NRROS: variants seen among roughly 807,000 people sequenced by gnomAD.
The protein encoded by NRROS is transforming growth factor beta activator LRRC33.
In NRROS, 6 loss-of-function variants were observed where a neutral mutation model predicts 12.0. The ratio of observed to expected loss-of-function variants is 0.50; its 90% CI spans 0.27 to 0.98. The LOEUF is 0.98. Among genes scored for constraint, NRROS ranks in the 50% least tolerant of loss-of-function variants. NRROS has a pLI of 0.11. For missense variants in NRROS, 857 were observed against 888.2 expected (o/e 0.96, Z 0.45); for synonymous variants, 462 against 410.2 (o/e 1.13, Z -1.53).
At chr3:196,641,965 G>A (rs565349329) in intron 1 of NRROS, among the ~76,000 whole-genome samples, 2 of 152,330 alleles carry the variant, frequency 1.3e-5, no homozygotes, top group East Asian at 1.9e-4. Context: ...TTGTTGATGT[G>A]TCATCGCACA....
chr3:196,660,336 C>T lies in NRROS; in HGVS notation c.693C>T (p.Leu231=), dbSNP rs752361620. 3 of 1,613,962 alleles carry T rather than the reference C, an allele frequency of 1.9e-6. No individual in the cohort carries two copies. The highest frequency in any genetic ancestry group is 4.5e-5 in the East Asian group (2 of 44,896). Residue 231 remains leucine, a synonymous_variant, in exon 3 of 3, where the codon CTC becomes CTT. Transcript: ENST00000328557. This position sits in a 1 kb window ranked among gnomAD's most constrained non-coding sequence, Gnocchi z 7.7. ...VDFGLTRLRV[L]NVSYNVLEWF... is the part of the protein sequence containing the mutation. ...TCGGGCTCACGCGGCTGCGGGTCCT[C>T]AACGTCAGCTACAACGTCCTGGAGT... is the stretch of plus-strand genomic sequence containing the variant.
chr3:196,653,252 G>T (rs1438021810), intron 1 of NRROS, among the ~76,000 whole-genome samples: 1 of 152,234 alleles, frequency 6.6e-6, no homozygotes, highest in Non-Finnish European at 1.5e-5. Flanking sequence ...TCTCTCTGTA[G>T]TAAGGGGAGT....
chr3:196,661,766 G>C lies in NRROS; in HGVS notation c.*44G>C, dbSNP rs776026174. The C allele has an allele frequency of 1.0e-5, 15 of 1,489,200 alleles. No individual in the cohort carries two copies. In the South Asian group the frequency reaches 1.9e-4, roughly 19 times the overall value. The allele number at this position is 1,489,200 out of a possible 1,614,324, so 92.2% of individuals were successfully genotyped here. On this transcript the variant is annotated 3_prime_UTR_variant, in exon 3 of 3. Transcript: ENST00000328557. ...CTCGAAATTCGGTCCGCACACAACA[G>C]GACACTTTCTCTGCCAGCTTTCAAG...
At chr3:196,648,737 G>A (rs1737356038) in intron 1 of NRROS, among the ~76,000 whole-genome samples, 1 of 134,496 alleles carries the variant, frequency 7.4e-6, no homozygotes, top group Non-Finnish European at 1.5e-5. Context: ...TTGCACTCCA[G>A]CCTGGGCAAC....
At position 196,648,649 on chromosome 3, in the gene NRROS, C is replaced by T. The variant is rs560960543; in HGVS notation, c.-13-5878C>T. ...GGCATGCTGGTGCATGCCTGTAATC[C>T]CAGCTACTCAGGAGGCTGAGGCAGG... On this transcript the variant is annotated intron_variant, in intron 1 of 2. Coordinates refer to ENST00000328557, the MANE Select transcript of NRROS (RefSeq NM_198565.3). Among the ~76,000 whole-genome samples the T allele has an allele frequency of 3.9e-4, 59 of 151,282 alleles. No individual in the cohort carries two copies. The South Asian group carries it at 0.011, about 28-fold the overall frequency.
chr3:196,660,275 A>C lies in NRROS; in HGVS notation c.632A>C (p.Asn211Thr). 6.2e-7 allele frequency: 1 copy of C among 1,613,924 alleles called. No homozygotes were observed. Among genetic ancestry groups the C allele is most frequent in the South Asian group, 1.1e-5 (1 of 91,084 alleles). Residue 211 changes from asparagine to threonine, a missense_variant, in exon 3 of 3, where the codon AAC (asparagine) becomes ACC (threonine). Coordinates refer to ENST00000328557, the MANE Select transcript of NRROS (RefSeq NM_198565.3). The surrounding 1 kb of genome is among the most constrained non-coding windows in gnomAD (Gnocchi z 7.7). ...GGCCTGGCTGAGCTGAGGCACCTCAACCTGGCCTTCAACAACCTCCCCTGC... is the reference window on the plus strand; with the variant it reads ...GGCCTGGCTGAGCTGAGGCACCTCACCCTGGCCTTCAACAACCTCCCCTGC... Reference protein sequence around the residue: ...FDGLAELRHLNLAFNNLPCIV... With the variant: ...FDGLAELRHLTLAFNNLPCIV...
At position 196,661,948 on chromosome 3, in the gene NRROS, A is replaced by C. The variant is rs2108644946; in HGVS notation, c.*226A>C. The C allele has an allele frequency of 2.6e-6, 1 of 379,616 alleles. No homozygotes were observed. Among genetic ancestry groups the C allele is most frequent in the Non-Finnish European group, 4.5e-6 (1 of 224,454 alleles). The allele number at this position is 379,616 out of a possible 1,614,324, so 23.5% of individuals were successfully genotyped here. A position where few individuals can be genotyped will look rare whatever the true frequency, so the allele number is the denominator to read the frequency against. ...TCATTATCTTGGTAAAATATTTATT[A>C]AGTGACTTTTTCAGAAATAAAAGGC... On this transcript the variant is annotated 3_prime_UTR_variant, in exon 3 of 3. Transcript: ENST00000328557.
chr3:196,642,762 C>G (rs1216690164), intron 1 of NRROS, among the ~76,000 whole-genome samples: 1 of 152,068 alleles, frequency 6.6e-6, no homozygotes, highest in Non-Finnish European at 1.5e-5. Flanking sequence ...GAATTGTACA[C>G]CTAAAAATGG....
rs1403678752 is a variant in NRROS at position 196,660,179 on chromosome 3, G to T, written c.536G>T (p.Gly179Val). ...IMRLDDSVFE[G>V]LERLRELDLQ... ...CGGCTGGACGACTCCGTCTTCGAGG[G>T]CCTGGAGCGTCTCCGGGAGCTGGAT... The change falls in exon 3 of 3, where the codon GGC becomes GTC. Residue 179 changes from glycine (G) to valine (V), a missense_variant. Coordinates refer to ENST00000328557, the MANE Select transcript of NRROS (RefSeq NM_198565.3). This position sits in a 1 kb window ranked among gnomAD's most constrained non-coding sequence, Gnocchi z 7.7. 6.2e-7 allele frequency: 1 copy of T among 1,612,974 alleles called. No individual in the cohort carries two copies. Among genetic ancestry groups the T allele is most frequent in the African/African-American group, 1.3e-5 (1 of 75,058 alleles).
rs770331211 is a variant in NRROS, at chr3:196,660,988, C to G, written c.1345C>G (p.Arg449Gly). ...TTGTCCCCTGCCAGCTGCCTCGGAC[C>G]GGGTGGGCCCCCCTAGCTGTGTGGA... The part of the protein sequence containing the change: ...SLCPLPAASD[R>G]VGPPSCVDFR... Residue 449 changes from arginine (R) to glycine (G), a missense_variant, in exon 3 of 3, where the codon CGG (arginine) becomes GGG (glycine). Physicochemically the swap from Arg to Gly is moderately radical, Grantham distance 125. Coordinates refer to ENST00000328557, the MANE Select transcript of NRROS (RefSeq NM_198565.3). The surrounding 1 kb of genome is among the most constrained non-coding windows in gnomAD (Gnocchi z 7.7). 3 of 1,614,050 alleles carry G rather than the reference C, an allele frequency of 1.9e-6. No individual in the cohort carries two copies. The highest frequency in any genetic ancestry group is 2.2e-5 in the East Asian group (1 of 44,882).
intron 1 of NRROS, among the ~76,000 whole-genome samples, chr3:196,640,694 T>A (rs1441109423): frequency 6.6e-6 from 1 of 152,006 alleles, no homozygotes; most frequent in Non-Finnish European, 1.5e-5. Flanking sequence ...CGGAAAGAAG[T>A]AAGGAGCCAC....
Position 196,661,687 on chromosome 3 carries a change from A to T in NRROS, c.2044A>T (p.Ile682Phe). 5 of 1,598,154 alleles carry T rather than the reference A, an allele frequency of 3.1e-6. No individual in the cohort carries two copies. The highest frequency in any genetic ancestry group is 3.4e-6 in the Non-Finnish European group (4 of 1,177,022). Residue 682 changes from isoleucine (I) to phenylalanine (F), a missense_variant, in exon 3 of 3, where the codon ATC (isoleucine) becomes TTC (phenylalanine). Physicochemically the swap from Ile to Phe is conservative, Grantham distance 21 (BLOSUM62 0). Coordinates refer to ENST00000328557, the MANE Select transcript of NRROS (RefSeq NM_198565.3). ...LTFKKPLLQV[I>F]KSRCHWSSVY ...TTTTAAGAAGCCTCTGCTTCAGGTC[A>T]TCAAGAGCCGCTGCCACTGGTCCTC... is the stretch of plus-strand genomic sequence containing the variant.
intron 2 of NRROS, among the ~76,000 whole-genome samples, chr3:196,657,409 G>C (rs73084961): frequency 0.01 from 1,549 of 151,574 alleles, 31 homozygotes; most frequent in African/African-American, 0.036. Context: ...AGGGAGGAGC[G>C]CAACACCCAC....
In NRROS at chr3:196,661,006, T is replaced by C; in HGVS notation, c.1363T>C (p.Cys455Arg). Residue 455 changes from cysteine (C) to arginine (R), a missense_variant, in exon 3 of 3, where the codon TGT becomes CGT. Transcript: ENST00000328557. The stretch of plus-strand genomic sequence containing the variant: ...CTCGGACCGGGTGGGCCCCCCTAGC[T>C]GTGTGGATTTCAGGAATATGGCATC... ...AASDRVGPPS[C>R]VDFRNMASLR... The C allele has an allele frequency of 6.2e-7, 1 of 1,614,158 alleles. No individual in the cohort carries two copies. Among genetic ancestry groups the C allele is most frequent in the Non-Finnish European group, 8.5e-7 (1 of 1,180,014 alleles).
At chr3:196,647,536 C>T (rs1737335217) in intron 1 of NRROS, among the ~76,000 whole-genome samples, 1 of 152,148 alleles carries the variant, frequency 6.6e-6, no homozygotes, top group South Asian at 2.1e-4. Context: ...TGTTAATTTA[C>T]CAAAGATCAC....
At chr3:196,648,674 G>A (rs549629059) in intron 1 of NRROS, among the ~76,000 whole-genome samples, 1 of 144,600 alleles carries the variant, frequency 6.9e-6, no homozygotes, top group Non-Finnish European at 1.5e-5. Context: ...GCTGAGGCAG[G>A]AGAATCACTT....
intron 1 of NRROS, among the ~76,000 whole-genome samples, chr3:196,643,717 T>A (rs184085064): frequency 6.6e-6 from 1 of 152,342 alleles, no homozygotes; most frequent in Non-Finnish European, 1.5e-5. Context: ...CCATTTCAGA[T>A]GTCAACTGGA....
intron 1 of NRROS, among the ~76,000 whole-genome samples, chr3:196,649,619 C>G (rs1396470675): frequency 1.3e-5 from 2 of 152,126 alleles, no homozygotes; most frequent in Non-Finnish European, 2.9e-5. Context: ...CTACAGGCGC[C>G]CGCCACCGCG....
chr3:196,655,124 A>G lies in NRROS; in HGVS notation c.108+477A>G, dbSNP rs188062483. On this transcript the variant is annotated intron_variant, in intron 2 of 2. Transcript: ENST00000328557. ...GTGGCACACACCTATAGTCCCAGCT[A>G]CTTGGGAGGCTGAGATGTGAGGGTG... The G allele has an allele frequency of 2.5e-3, 402 of 158,504 alleles. 2 individuals carry two copies. Among genetic ancestry groups the G allele is most frequent in the African/African-American group, 9.1e-3 (376 of 41,404 alleles). The allele number at this position is 158,504 out of a possible 1,614,324, so 9.8% of individuals were successfully genotyped here.
Sources: gnomAD v4.1 joint callset for allele counts (sites outside exome capture counted in the v4.1 genomes callset) on GRCh38, gnomAD v4.1.1 for gene constraint, Gnocchi (gnomAD v3.1) non-coding constraint, MANE v1.5 for transcripts, NCBI Gene and HGNC (gene_info 2026-07-23, HGNC 2026-07-21) for gene names.